The following ADGRL3 variants were observed in gnomAD, a reference collection of about 807,000 sequenced individuals.
The protein encoded by ADGRL3 is adhesion G protein-coupled receptor L3.
Under a neutral mutation model 153.5 loss-of-function variants are expected in ADGRL3, and 62 were observed. That is an observed-to-expected ratio of 0.40 (90% CI 0.33 to 0.50). The LOEUF (loss-of-function observed/expected upper bound fraction) is 0.50. Among genes scored for constraint, ADGRL3 ranks in the 20% least tolerant of loss-of-function variants. ADGRL3 has a pLI of 0.47. For synonymous variants in ADGRL3, 710 were observed against 672.5 expected (o/e 1.06, Z -0.86); for missense variants, 1,641 against 1,859.4 (o/e 0.88, Z 2.16).
intron 17 of ADGRL3, among the ~76,000 whole-genome samples, chr4:61,951,180 T>C (rs536361608): frequency 6.6e-6 from 1 of 152,340 alleles, no homozygotes; most frequent in East Asian, 1.9e-4. Flanking sequence ...CATGTCTAAA[T>C]ATTTACAAGT....
chr4:61,949,018 A>T (rs76714032), intron 17 of ADGRL3, among the ~76,000 whole-genome samples: 1,447 of 126,700 alleles, frequency 0.011, 11 homozygotes, highest in Middle Eastern at 0.023. Context: ...GGAAACTCAG[A>T]AAAAAAAAAA....
intron 2 of ADGRL3, among the ~76,000 whole-genome samples, chr4:61,475,479 T>C (rs2098034904): frequency 6.6e-6 from 1 of 152,162 alleles, no homozygotes; most frequent in South Asian, 2.1e-4. Context: ...AAACAGTTAG[T>C]GCTAATGGCA....
intron 8 of ADGRL3, chr4:61,775,764 A>G: frequency 1.2e-6 from 1 of 833,664 alleles, no homozygotes; most frequent in Non-Finnish European, 2.1e-6. Flanking sequence ...GTGCTAGGCA[A>G]TCGTGGATGA....
chr4:61,216,854 G>A (rs1454655852), intron 1 of ADGRL3, among the ~76,000 whole-genome samples: 1 of 152,158 alleles, frequency 6.6e-6, no homozygotes, highest in African/African-American at 2.4e-5. Flanking sequence ...TTATTGTGAG[G>A]ATTAAATGAG....
intron 5 of ADGRL3, among the ~76,000 whole-genome samples, chr4:61,589,747 A>C (rs1282261251): frequency 1.3e-5 from 2 of 152,082 alleles, no homozygotes; most frequent in African/African-American, 4.8e-5. Context: ...CAGATGTTCT[A>C]GGCAAGGAGA....
intron 1 of ADGRL3, among the ~76,000 whole-genome samples, chr4:61,257,373 C>T (rs1027102352): frequency 2.6e-5 from 4 of 152,074 alleles, no homozygotes; most frequent in African/African-American, 9.7e-5. Context: ...GACAATTATT[C>T]AAAACAATAG....
intron 6 of ADGRL3, among the ~76,000 whole-genome samples, chr4:61,720,301 G>A (rs1258011552): frequency 1.3e-5 from 2 of 150,524 alleles, no homozygotes; most frequent in African/African-American, 2.5e-5. Context: ...TATTGGCCAG[G>A]CTGGTGTCCA....
intron 6 of ADGRL3, among the ~76,000 whole-genome samples, chr4:61,678,513 A>G (rs2095261804): frequency 6.6e-6 from 1 of 151,996 alleles, no homozygotes; most frequent in Admixed American, 6.6e-5. Context: ...AATATCATCT[A>G]CTTAAATCAC....
At chr4:62,029,334 C>A (rs1720667679) in intron 22 of ADGRL3, among the ~76,000 whole-genome samples, 1 of 151,616 alleles carries the variant, frequency 6.6e-6, no homozygotes, top group African/African-American at 2.4e-5. Context: ...TAATGAATTG[C>A]TATACTAAAT....
intron 2 of ADGRL3, among the ~76,000 whole-genome samples, chr4:61,421,716 T>C (rs1270545083): frequency 2.6e-5 from 4 of 152,148 alleles, no homozygotes; most frequent in African/African-American, 2.4e-5. Context: ...AATATTGTGA[T>C]CGGTACCATT....
chr4:61,607,316 T>A (rs537210664), intron 5 of ADGRL3, among the ~76,000 whole-genome samples: 1 of 152,150 alleles, frequency 6.6e-6, no homozygotes, highest in South Asian at 2.1e-4. Flanking sequence ...AAGACCAATC[T>A]GGCCAGGCGC....
intron 5 of ADGRL3, among the ~76,000 whole-genome samples, chr4:61,644,684 C>T (rs2093875002): frequency 6.6e-6 from 1 of 152,078 alleles, no homozygotes; most frequent in South Asian, 2.1e-4. Flanking sequence ...TTTACATTTG[C>T]TGAGAAGAGC....
At chr4:61,886,895 C>T in intron 9 of ADGRL3, among the ~76,000 whole-genome samples, 1 of 152,012 alleles carries the variant, frequency 6.6e-6, no homozygotes, top group East Asian at 1.9e-4. Context: ...GATCCGCCTG[C>T]CTCAGCCTCC....
intron 1 of ADGRL3, among the ~76,000 whole-genome samples, chr4:61,328,687 G>A (rs1421779345): frequency 6.6e-6 from 1 of 152,040 alleles, no homozygotes; most frequent in Non-Finnish European, 1.5e-5. Context: ...AACTATATTT[G>A]CATATTTCAA....
intron 8 of ADGRL3, among the ~76,000 whole-genome samples, chr4:61,745,026 T>C (rs927847930): frequency 2.0e-5 from 3 of 152,118 alleles, no homozygotes; most frequent in Non-Finnish European, 4.4e-5. Flanking sequence ...TTAAAGGAGC[T>C]GATGGAGCTG....
intron 17 of ADGRL3, among the ~76,000 whole-genome samples, chr4:61,965,107 C>T (rs2099001280): frequency 6.6e-6 from 1 of 152,034 alleles, no homozygotes; most frequent in Non-Finnish European, 1.5e-5. Flanking sequence ...GGGTGACCCT[C>T]CCTCTTCAGC....
chr4:61,292,912 A>G (rs1029171660), intron 1 of ADGRL3, among the ~76,000 whole-genome samples: 3 of 152,138 alleles, frequency 2.0e-5, no homozygotes, highest in African/African-American at 4.8e-5. Context: ...TGGCTTGAGT[A>G]TATCTTCTGA....
chr4:61,243,131 A>T (rs1755670230), intron 1 of ADGRL3, among the ~76,000 whole-genome samples: 1 of 152,058 alleles, frequency 6.6e-6, no homozygotes, highest in South Asian at 2.1e-4. Flanking sequence ...TTTCTGTTAG[A>T]CTGATAAGAA....
At chr4:61,686,170 G>A (rs971981837) in intron 6 of ADGRL3, among the ~76,000 whole-genome samples, 2 of 152,060 alleles carry the variant, frequency 1.3e-5, no homozygotes, top group African/African-American at 4.8e-5. Context: ...AAAGAAATTT[G>A]TATAAGTTAT....
Sources: gnomAD v4.1 joint callset for allele counts (sites outside exome capture counted in the v4.1 genomes callset) on GRCh38, gnomAD v4.1.1 for gene constraint, MANE v1.5 for transcripts, NCBI Gene and HGNC (gene_info 2026-07-23, HGNC 2026-07-21) for gene names.